CDH13: variants seen among roughly 807,000 people sequenced by gnomAD.
The protein encoded by CDH13 is cadherin-13.
A neutral mutation model predicts 63.8 loss-of-function variants in CDH13; 24 were observed. That is an observed-to-expected ratio of 0.38 (90% CI 0.27 to 0.53). The LOEUF (loss-of-function observed/expected upper bound fraction) is 0.53. Among genes scored for constraint, CDH13 ranks in the 20% least tolerant of loss-of-function variants. The pLI is 0.85. For missense variants in CDH13, 1,049 were observed against 903.1 expected (o/e 1.16, Z -2.07); for synonymous variants, 503 against 355.3 (o/e 1.42, Z -4.67).
Position 83,155,624 on chromosome 16 carries a change from T to G in CDH13, c.483+30123T>G, listed in dbSNP as rs117208257. On this transcript the variant is annotated intron_variant, in intron 4 of 13. Coordinates refer to ENST00000567109, the MANE Select transcript of CDH13 (RefSeq NM_001257.5). ...TTAGGCAACTCTAGTCCTTACAACT[T>G]AAAAACTTTAAAATGGATGCATTGG... Among the ~76,000 whole-genome samples, 131 of 152,230 alleles carry G rather than the reference T, an allele frequency of 8.6e-4. 2 individuals are homozygous for G. The East Asian group carries it at 0.022, about 26-fold the overall frequency.
rs183437202 is a variant in CDH13, at chr16:83,217,524, C to G, written c.636+27C>G. ...TGAGTACCCCTCTCCCATGCCCACC[C>G]TGTGCGCAGAAATGTGGCTTTCAAA... On this transcript the variant is annotated intron_variant, in intron 5 of 13. Transcript: ENST00000567109. 309 of 1,602,110 alleles carry G rather than the reference C, an allele frequency of 1.9e-4. 1 individual carries two copies. In the East Asian group the frequency reaches 5.8e-3, roughly 30 times the overall value.
At chr16:83,271,146 C>T (rs1370057417) in intron 5 of CDH13, among the ~76,000 whole-genome samples, 3 of 151,938 alleles carry the variant, frequency 2.0e-5, no homozygotes, top group Middle Eastern at 6.9e-3. Context: ...TGGTTTTGAC[C>T]ACTGATACAT....
chr16:82,907,929 T>A (rs1435066742), intron 2 of CDH13, among the ~76,000 whole-genome samples: 1 of 152,166 alleles, frequency 6.6e-6, no homozygotes, highest in Non-Finnish European at 1.5e-5. Flanking sequence ...AATTAGCTTC[T>A]TCAAAAAATT....
In CDH13 at chr16:82,639,457, A is replaced by G. The variant is rs1291665568; in HGVS notation, c.45+12320A>G. ...TGGGCGTGACCCACCTGCAGCTTCA[A>G]CCATGCAGGTAAATTTGCCTGCTGC... On this transcript the variant is annotated intron_variant, in intron 1 of 13. Transcript: ENST00000567109. 2.8e-5 allele frequency: 43 copies of G among 1,533,222 alleles called. No individual in the cohort carries two copies. In the Middle Eastern group the frequency reaches 1.2e-3, roughly 42 times the overall value. The allele number at this position is 1,533,222 out of a possible 1,614,324, so 95.0% of individuals were successfully genotyped here.
At chr16:83,625,084 G>A (rs1910166704) in intron 8 of CDH13, among the ~76,000 whole-genome samples, 1 of 152,150 alleles carries the variant, frequency 6.6e-6, no homozygotes, top group African/African-American at 2.4e-5. Flanking sequence ...TTTTCCCCCT[G>A]AATTGCCATT....
intron 4 of CDH13, among the ~76,000 whole-genome samples, chr16:83,215,993 C>CA (rs1395490223): frequency 6.6e-6 from 1 of 150,846 alleles, no homozygotes; most frequent in East Asian, 2.0e-4. Context: ...GACCACCCCC[C>CA]ATACTTTGAC....
At chr16:83,473,846 C>G (rs1026324684) in intron 6 of CDH13, among the ~76,000 whole-genome samples, 1 of 152,088 alleles carries the variant, frequency 6.6e-6, no homozygotes, top group Non-Finnish European at 1.5e-5. Flanking sequence ...GCGGCTTTAC[C>G]TCCCTGGGCC....
chr16:83,061,853 C>T (rs1303663616), intron 3 of CDH13, among the ~76,000 whole-genome samples: 1 of 152,180 alleles, frequency 6.6e-6, no homozygotes, highest in Non-Finnish European at 1.5e-5. Context: ...CAATGCCTGC[C>T]TTAATGCCCC....
intron 4 of CDH13, among the ~76,000 whole-genome samples, chr16:83,137,735 C>T (rs1264259820): frequency 6.6e-6 from 1 of 152,126 alleles, no homozygotes; most frequent in Non-Finnish European, 1.5e-5. Flanking sequence ...GGAGTGGGGC[C>T]CAGGGCGCAG....
chr16:82,755,634 A>G (rs959604213), intron 1 of CDH13, among the ~76,000 whole-genome samples: 1 of 152,144 alleles, frequency 6.6e-6, no homozygotes, highest in Non-Finnish European at 1.5e-5. Flanking sequence ...TTCTTTGTGT[A>G]TTCATTCAAT....
intron 7 of CDH13, among the ~76,000 whole-genome samples, chr16:83,551,673 A>G (rs569792857): frequency 3.6e-4 from 54 of 152,098 alleles, no homozygotes; most frequent in Non-Finnish European, 4.1e-4. Context: ...AAGATGTGTC[A>G]TCTGGGGACC....
chr16:82,746,724 C>G (rs1405421239), intron 1 of CDH13, among the ~76,000 whole-genome samples: 1 of 151,902 alleles, frequency 6.6e-6, no homozygotes, highest in African/African-American at 2.4e-5. Context: ...AAAAAATTCC[C>G]AAACTGATTT....
intron 8 of CDH13, among the ~76,000 whole-genome samples, chr16:83,614,529 T>C (rs755263788): frequency 5.3e-5 from 8 of 152,222 alleles, no homozygotes; most frequent in Non-Finnish European, 1.2e-4. Context: ...TTCTATGGAA[T>C]ATTGGCCTCG....
intron 2 of CDH13, among the ~76,000 whole-genome samples, chr16:82,991,805 G>A (rs895270413): frequency 6.6e-6 from 1 of 151,902 alleles, no homozygotes; most frequent in Non-Finnish European, 1.5e-5. Flanking sequence ...TCTTAGCCTT[G>A]AACATAGTTG....
chr16:83,156,888 C>G (rs141650290), intron 4 of CDH13, among the ~76,000 whole-genome samples: 1 of 152,188 alleles, frequency 6.6e-6, no homozygotes, highest in Admixed American at 6.5e-5. Flanking sequence ...CAGAGGCACT[C>G]CTTCTGACAT....
intron 1 of CDH13, among the ~76,000 whole-genome samples, chr16:82,717,337 G>A (rs2151016187): frequency 6.6e-6 from 1 of 151,782 alleles, no homozygotes; most frequent in African/African-American, 2.4e-5. Context: ...TCCAGAGGCT[G>A]AGGCAGGAGA....
chr16:82,864,976 T>C (rs1340341200), intron 2 of CDH13, among the ~76,000 whole-genome samples: 1 of 152,208 alleles, frequency 6.6e-6, no homozygotes, highest in African/African-American at 2.4e-5. Flanking sequence ...ACGAAGGGTC[T>C]ACAGGCCCCA....
chr16:83,100,203 T>A (rs1045883142), intron 3 of CDH13, among the ~76,000 whole-genome samples: 5 of 152,162 alleles, frequency 3.3e-5, no homozygotes, highest in Non-Finnish European at 5.9e-5. Context: ...ATTAAATCCC[T>A]GCCTCATGGA....
At chr16:83,151,949 A>G (rs2036999304) in intron 4 of CDH13, among the ~76,000 whole-genome samples, 1 of 152,186 alleles carries the variant, frequency 6.6e-6, no homozygotes, top group South Asian at 2.1e-4. Flanking sequence ...GCAACAAAAA[A>G]AAAAGAAAAG....
Sources: gnomAD v4.1 joint callset for allele counts (sites outside exome capture counted in the v4.1 genomes callset) on GRCh38, gnomAD v4.1.1 for gene constraint, MANE v1.5 for transcripts, NCBI Gene and HGNC (gene_info 2026-07-23, HGNC 2026-07-21) for gene names.